GPR158: variants seen among roughly 807,000 people sequenced by gnomAD.
GPR158 encodes the protein G protein-coupled receptor 158, also known as metabotropic glycine receptor.
In GPR158, 30 loss-of-function variants were observed where a neutral mutation model predicts 78.2. The ratio of observed to expected loss-of-function variants is 0.38; its 90% CI spans 0.29 to 0.52. The LOEUF is 0.52. GPR158 is among the 20% of genes least tolerant of loss of function. The pLI is 0.83. For missense variants in GPR158, 1,463 were observed against 1,523.5 expected (o/e 0.96, Z 0.66); for synonymous variants, 581 against 591.1 (o/e 0.98, Z 0.25).
At chr10:25,390,578 G>A (rs1455130428) in intron 2 of GPR158, among the ~76,000 whole-genome samples, 1 of 152,212 alleles carries the variant, frequency 6.6e-6, no homozygotes, top group Non-Finnish European at 1.5e-5. Context: ...AAATTTCTAA[G>A]CAGCAAGGTG....
chr10:25,473,671 G>A (rs1835541572), intron 5 of GPR158, among the ~76,000 whole-genome samples: 1 of 152,010 alleles, frequency 6.6e-6, no homozygotes, highest in South Asian at 2.1e-4. Flanking sequence ...CTTCTTTCTG[G>A]TTTAGTCTCA....
Position 25,599,630 on chromosome 10 carries a change from G to A in GPR158, c.*356G>A, listed in dbSNP as rs1837465807. On this transcript the variant is annotated 3_prime_UTR_variant, in exon 11 of 11. Transcript: ENST00000376351. ...GAGACACAGAAGACGTACCAGATTTGCAAAGAAAGAAAAGGTATAAGACAT... is the reference window on the plus strand; with the variant it reads ...GAGACACAGAAGACGTACCAGATTTACAAAGAAAGAAAAGGTATAAGACAT... 5.1e-6 allele frequency: 1 copy of A among 195,298 alleles called. No homozygotes were observed. Among genetic ancestry groups the A allele is most frequent in the African/African-American group, 2.4e-5 (1 of 42,550 alleles). 12.1% of individuals were successfully genotyped at this position (195,298 alleles called of 1,614,324 possible).
chr10:25,361,572 A>G (rs1430438495), intron 2 of GPR158, among the ~76,000 whole-genome samples: 5 of 151,846 alleles, frequency 3.3e-5, no homozygotes, highest in Admixed American at 2.0e-4. Flanking sequence ...AAGGGTACCA[A>G]TTTTTCCACA....
In GPR158 at chr10:25,225,095, GT is replaced by G. The variant is rs1372448372; in HGVS notation, c.1008+3940del. Among the ~76,000 whole-genome samples the G allele has an allele frequency of 1.7e-4, 25 of 151,072 alleles. No individual in the cohort carries two copies. In the East Asian group the frequency reaches 4.7e-3, roughly 28 times the overall value. ...CTTTGAAGGAATGGTTTTTGTTGTT[GT>G]TGTTTTTTAAATACCTGTTTCATAG... On this transcript the variant is annotated intron_variant, in intron 2 of 10. Transcript: ENST00000376351.
intron 2 of GPR158, among the ~76,000 whole-genome samples, chr10:25,326,011 T>C (rs1015285859): frequency 6.6e-6 from 1 of 152,112 alleles, no homozygotes; most frequent in East Asian, 1.9e-4. Context: ...GTTACATAAG[T>C]AAATATGTGC....
intron 5 of GPR158, among the ~76,000 whole-genome samples, chr10:25,476,776 G>A (rs771572232): frequency 1.3e-5 from 2 of 151,966 alleles, no homozygotes; most frequent in Non-Finnish European, 2.9e-5. Context: ...GACATCAAAC[G>A]GGAGGCTGGG....
intron 2 of GPR158, among the ~76,000 whole-genome samples, chr10:25,381,135 T>C (rs1170509062): frequency 6.6e-6 from 1 of 152,104 alleles, no homozygotes; most frequent in Non-Finnish European, 1.5e-5. Context: ...GAATTGAATA[T>C]TTGAGAATGG....
intron 5 of GPR158, among the ~76,000 whole-genome samples, chr10:25,488,276 A>T (rs1448190947): frequency 6.6e-6 from 1 of 152,154 alleles, no homozygotes; most frequent in African/African-American, 2.4e-5. Context: ...ATTTGTCAGA[A>T]TTTAATCACA....
intron 5 of GPR158, among the ~76,000 whole-genome samples, chr10:25,520,646 G>T (rs1249931341): frequency 2.0e-4 from 31 of 151,506 alleles, no homozygotes; most frequent in Non-Finnish European, 4.0e-4. Context: ...TGAGGTGTCA[G>T]TGTGCCCCTG....
chr10:25,566,980 C>A (rs1481638740), intron 6 of GPR158, among the ~76,000 whole-genome samples: 4 of 152,188 alleles, frequency 2.6e-5, no homozygotes, highest in African/African-American at 9.7e-5. Context: ...AGTGTCACCT[C>A]ATACCTTTTA....
chr10:25,246,024 C>T (rs1178895225), intron 2 of GPR158, among the ~76,000 whole-genome samples: 3 of 152,192 alleles, frequency 2.0e-5, no homozygotes, highest in Non-Finnish European at 4.4e-5. Context: ...CTGCTATTGG[C>T]ACATAGCCAT....
intron 1 of GPR158, among the ~76,000 whole-genome samples, chr10:25,194,630 G>A (rs1852821000): frequency 6.6e-6 from 1 of 152,112 alleles, no homozygotes; most frequent in Non-Finnish European, 1.5e-5. Context: ...ACAGGAGAAG[G>A]AAGTATAGGC....
intron 4 of GPR158, among the ~76,000 whole-genome samples, chr10:25,441,913 G>A (rs1835073418): frequency 6.6e-6 from 1 of 152,134 alleles, no homozygotes; most frequent in Non-Finnish European, 1.5e-5. Flanking sequence ...TTCCTTGAGG[G>A]CAGTGAATTT....
intron 6 of GPR158, among the ~76,000 whole-genome samples, chr10:25,567,515 C>T (rs569071613): frequency 7.9e-5 from 12 of 151,930 alleles, no homozygotes; most frequent in Non-Finnish European, 1.8e-4. Flanking sequence ...GTGCTGGTGT[C>T]GATGGCAAGT....
intron 2 of GPR158, among the ~76,000 whole-genome samples, chr10:25,376,440 G>A (rs887374533): frequency 4.0e-5 from 6 of 151,336 alleles, no homozygotes; most frequent in Admixed American, 2.6e-4. Flanking sequence ...TTTCCTCTTT[G>A]ATTCTTTCTG....
chr10:25,199,127 T>C (rs967519584), intron 1 of GPR158, among the ~76,000 whole-genome samples: 7 of 144,978 alleles, frequency 4.8e-5, no homozygotes, highest in Non-Finnish European at 6.2e-5. Flanking sequence ...AAATAAAGTT[T>C]TTGTTTTTTT....
At chr10:25,436,607 G>A (rs1024251799) in intron 4 of GPR158, among the ~76,000 whole-genome samples, 1 of 152,140 alleles carries the variant, frequency 6.6e-6, no homozygotes, top group African/African-American at 2.4e-5. Flanking sequence ...TTTTTAAAAA[G>A]GAAAATCCAG....
chr10:25,437,885 C>T (rs539106508), intron 4 of GPR158, among the ~76,000 whole-genome samples: 23 of 152,266 alleles, frequency 1.5e-4, no homozygotes, highest in African/African-American at 5.5e-4. Flanking sequence ...AAGGACATTT[C>T]ATCTTTAATG....
intron 5 of GPR158, among the ~76,000 whole-genome samples, chr10:25,500,771 C>T (rs1163380645): frequency 1.3e-5 from 2 of 152,186 alleles, no homozygotes; most frequent in African/African-American, 4.8e-5. Context: ...ACAGCATTTA[C>T]AGTCACAAAG....
Sources: allele counts gnomAD v4.1 joint callset (sites outside exome capture counted in the v4.1 genomes callset), GRCh38; gene constraint gnomAD v4.1.1; transcripts MANE v1.5; gene names NCBI Gene and HGNC (gene_info 2026-07-23, HGNC 2026-07-21).